The following MAPK10 variants were observed in gnomAD, a reference collection of about 807,000 sequenced individuals.
MAPK10 encodes the protein mitogen-activated protein kinase 10.
Under a neutral mutation model 59.3 loss-of-function variants are expected in MAPK10, and 25 were observed. The observed-to-expected ratio is 0.42, with a 90% CI of 0.31 to 0.59. The LOEUF (loss-of-function observed/expected upper bound fraction) is 0.59. MAPK10 is among the 20% of genes least tolerant of loss of function. The pLI is 0.15. For missense variants in MAPK10, 351 were observed against 568.9 expected, an observed-to-expected ratio of 0.62 and a Z score of 3.90; for synonymous variants, 190 against 200.5, an observed-to-expected ratio of 0.95 and a Z score of 0.44.
intron 11 of MAPK10, 131 bp downstream of exon 11, chr4:86,064,135 G>A (rs2046272262): frequency 1.8e-6 from 2 of 1,106,380 alleles, no homozygotes; most frequent in Non-Finnish European, 2.6e-6. Flanking sequence ...TAGAGGGGCA[G>A]ATAATAGGCT....
chr4:86,072,230 G>T (rs1464735265), intron 9 of MAPK10, among the ~76,000 whole-genome samples: 1 of 150,276 alleles, frequency 6.7e-6, no homozygotes, highest in Non-Finnish European at 1.5e-5. Flanking sequence ...TGTGATTTTT[G>T]TACATTGATT....
At chr4:86,127,888 C>T (rs911638804) in intron 4 of MAPK10, among the ~76,000 whole-genome samples, 1 of 151,924 alleles carries the variant, frequency 6.6e-6, no homozygotes, top group Non-Finnish European at 1.5e-5. Context: ...CAATGTGAAA[C>T]TTAGGGAAGC....
chr4:86,050,527 T>C (rs1222101574), intron 11 of MAPK10, among the ~76,000 whole-genome samples: 2 of 152,084 alleles, frequency 1.3e-5, no homozygotes, highest in Non-Finnish European at 2.9e-5. Flanking sequence ...CTGTAACTCT[T>C]GGTCCTCCTC....
chr4:86,322,945 C>A (rs190067258), intron 2 of MAPK10, among the ~76,000 whole-genome samples: 2 of 152,178 alleles, frequency 1.3e-5, no homozygotes, highest in African/African-American at 4.8e-5. Flanking sequence ...GAGGCCAAGG[C>A]GGGAGGATCA....
chr4:86,335,897 C>A (rs1004046271), intron 2 of MAPK10, among the ~76,000 whole-genome samples: 2 of 152,158 alleles, frequency 1.3e-5, no homozygotes, highest in African/African-American at 4.8e-5. Context: ...TCACCTCCCT[C>A]CCTTGACATG....
intron 1 of MAPK10, among the ~76,000 whole-genome samples, chr4:86,405,587 C>A (rs72663981): frequency 0.037 from 5,607 of 152,284 alleles, 142 homozygotes; most frequent in Middle Eastern, 0.065. Flanking sequence ...AGAAAGTCTA[C>A]ACACAAATAT....
chr4:86,492,028 C>T (rs9683663), intron 1 of MAPK10, among the ~76,000 whole-genome samples: 33,291 of 152,104 alleles, frequency 0.22, 4,548 homozygotes, highest in Admixed American at 0.3. Context: ...CTGCAGACAG[C>T]GGTTTGTTAA....
intron 2 of MAPK10, among the ~76,000 whole-genome samples, chr4:86,315,580 C>G (rs1413829574): frequency 6.6e-6 from 1 of 152,004 alleles, no homozygotes; most frequent in East Asian, 1.9e-4. Flanking sequence ...AAATGCATTT[C>G]AGAAAGGAAA....
At chr4:86,317,526 G>A (rs967214374) in intron 2 of MAPK10, among the ~76,000 whole-genome samples, 2 of 152,104 alleles carry the variant, frequency 1.3e-5, no homozygotes, top group Non-Finnish European at 2.9e-5. Flanking sequence ...CTGTTTTGTA[G>A]TATTTATATA....
At chr4:86,341,965 C>T (rs34683010) in intron 2 of MAPK10, among the ~76,000 whole-genome samples, 110,748 of 151,610 alleles carry the variant, frequency 0.73, 41,023 homozygotes, top group South Asian at 0.9. Context: ...GTTACGTGAC[C>T]TAACCAGGAT....
intron 1 of MAPK10, among the ~76,000 whole-genome samples, chr4:86,510,820 C>G (rs189393770): frequency 6.6e-6 from 1 of 151,828 alleles, no homozygotes; most frequent in African/African-American, 2.4e-5. Context: ...CATTCATATA[C>G]GAAAGCAAAA....
chr4:86,060,045 T>A (rs1279645120), intron 11 of MAPK10, among the ~76,000 whole-genome samples: 1 of 152,200 alleles, frequency 6.6e-6, no homozygotes. Flanking sequence ...TGGGCATCTC[T>A]GAAACACAGC....
At chr4:86,392,795 G>A (rs1460596776) in intron 1 of MAPK10, among the ~76,000 whole-genome samples, 3 of 152,230 alleles carry the variant, frequency 2.0e-5, no homozygotes, top group African/African-American at 7.2e-5. Context: ...AGGAGGAAGT[G>A]GCTGGTGACT....
chr4:86,098,587 A>G lies in MAPK10; in HGVS notation c.739T>C (p.Trp247Arg). 1 of 1,611,748 alleles carries G rather than the reference A, an allele frequency of 6.2e-7. No individual in the cohort carries two copies. The highest frequency in any genetic ancestry group is 8.5e-7 in the Non-Finnish European group (1 of 1,177,920). ...TCTCCCATAATGCATCCCACAGACC[A>G]TATATCCACTAGAACAGGAGAGAGA... is the stretch of plus-strand genomic sequence containing the variant. ...GMGYKENVDI[W>R]SVGCIMGEMV... Residue 247 changes from tryptophan to arginine, a missense_variant, in exon 9 of 14, where the codon TGG becomes CGG. By Grantham distance (101) the Trp-to-Arg change is moderately radical. Transcript: ENST00000641462.
intron 1 of MAPK10, among the ~76,000 whole-genome samples, chr4:86,517,949 T>C (rs1174806349): frequency 6.6e-6 from 1 of 152,204 alleles, no homozygotes; most frequent in Admixed American, 6.5e-5. Context: ...ACTGTTTCAA[T>C]CTTGTTACTT....
intron 4 of MAPK10, among the ~76,000 whole-genome samples, chr4:86,148,326 A>G (rs1452116461): frequency 6.6e-6 from 1 of 152,228 alleles, no homozygotes; most frequent in Non-Finnish European, 1.5e-5. Flanking sequence ...AAGCATGTCA[A>G]GAGCATTCAG....
intron 2 of MAPK10, among the ~76,000 whole-genome samples, chr4:86,236,926 G>C (rs529398910): frequency 6.6e-6 from 1 of 152,176 alleles, no homozygotes; most frequent in African/African-American, 2.4e-5. Context: ...TTGTTACACA[G>C]GTATACATGT....
chr4:86,460,814 G>A (rs754830866), intron 1 of MAPK10, among the ~76,000 whole-genome samples: 4 of 152,148 alleles, frequency 2.6e-5, no homozygotes, highest in Admixed American at 1.3e-4. Context: ...CTTTGTTTCC[G>A]GTAAGGAATA....
At chr4:86,538,585 T>A (rs1239250435) in intron 1 of MAPK10, among the ~76,000 whole-genome samples, 1 of 152,226 alleles carries the variant, frequency 6.6e-6, no homozygotes, top group African/African-American at 2.4e-5. Flanking sequence ...CCTGTAAGGT[T>A]TTACATAGAA....
Sources: allele counts gnomAD v4.1 joint callset (sites outside exome capture counted in the v4.1 genomes callset), GRCh38; gene constraint gnomAD v4.1.1; transcripts MANE v1.5; gene names NCBI Gene and HGNC (gene_info 2026-07-23, HGNC 2026-07-21).